Variants in SNX27 observed in about 807,000 individuals in gnomAD.
SNX27 encodes sorting nexin 27, also known as sorting nexin-27.
In SNX27, 22 loss-of-function variants were observed where a neutral mutation model predicts 71.6. The observed-to-expected ratio is 0.31, with a 90% CI of 0.22 to 0.44. The LOEUF (loss-of-function observed/expected upper bound fraction) is 0.44, where lower values mean the gene tolerates loss of function less well. Among genes scored for constraint, SNX27 ranks in the 20% least tolerant of loss-of-function variants. The probability of loss-of-function intolerance (pLI) is 1.00; values close to 1 mark genes in which losing one functional copy is unlikely to be tolerated. For missense variants in SNX27, 531 were observed against 698.6 expected (o/e 0.76, Z 2.70); for synonymous variants, 269 against 277.2 (o/e 0.97, Z 0.29).
rs1671846702 is a variant in SNX27, at chr1:151,697,813, A to G, written c.*3396A>G. 6.5e-6 allele frequency: 1 copy of G among 152,680 alleles called. No individual in the cohort carries two copies. The highest frequency in any genetic ancestry group is 1.5e-5 in the Non-Finnish European group (1 of 68,096). The allele number at this position is 152,680 out of a possible 1,614,324, so 9.5% of individuals were successfully genotyped here. On this transcript the variant is annotated 3_prime_UTR_variant, in exon 12 of 12. Transcript: ENST00000458013. ...TGTCCCTGGGAAGAGGGGGTCTCCC[A>G]GTGCCCCCAGCTTCATCCCAGCAGA...
rs1175414822 is a variant in SNX27 at position 151,697,896 on chromosome 1, CAGGGGT to C, written c.*3482_*3487del. The C allele has an allele frequency of 6.6e-6, 1 of 152,438 alleles. No homozygotes were observed. The highest frequency in any genetic ancestry group is 1.5e-5 in the Non-Finnish European group (1 of 68,054). 9.4% of individuals were successfully genotyped at this position (152,438 alleles called of 1,614,324 possible). The stretch of plus-strand genomic sequence containing the variant: ...TTCCTCCACACTTGGTTTCTATCCT[CAGGGGT>C]AGAAGCTCAGAGCTTTTTATGGCCC... On this transcript the variant is annotated 3_prime_UTR_variant, in exon 12 of 12. Transcript: ENST00000458013.
At chr1:151,627,940 C>T (rs1231447926) in intron 1 of SNX27, among the ~76,000 whole-genome samples, 1 of 151,736 alleles carries the variant, frequency 6.6e-6, no homozygotes, top group Non-Finnish European at 1.5e-5. Context: ...TATATAGTAG[C>T]CTTTCAGACT....
At chr1:151,643,040 T>A (rs1041621410) in intron 2 of SNX27, among the ~76,000 whole-genome samples, 3 of 152,152 alleles carry the variant, frequency 2.0e-5, no homozygotes, top group Non-Finnish European at 4.4e-5. Context: ...CTTGGCTCAC[T>A]GTAACCTCTG....
intron 7 of SNX27, among the ~76,000 whole-genome samples, chr1:151,680,673 C>T (rs576915358): frequency 3.3e-5 from 5 of 152,194 alleles, no homozygotes; most frequent in East Asian, 1.9e-4. Flanking sequence ...TTATTCTCAT[C>T]GAAACAATAC....
chr1:151,654,607 A>T (rs990659883), intron 2 of SNX27, among the ~76,000 whole-genome samples: 2 of 152,146 alleles, frequency 1.3e-5, no homozygotes, highest in African/African-American at 4.8e-5. Context: ...CTGCTTTAAT[A>T]GAATAACACA....
chr1:151,638,874 C>T lies in SNX27; in HGVS notation c.312-14C>T, dbSNP rs1277553304. On this transcript the variant is annotated splice_polypyrimidine_tract_variant and intron_variant, in intron 1 of 11. Transcript: ENST00000458013. ...CTGGTTTATGGGATTGTCTTTTTCC[C>T]TTTTTCCCCTTAGGAACCACGTGAA... The T allele has an allele frequency of 6.2e-7, 1 of 1,613,724 alleles. No homozygotes were observed. Among genetic ancestry groups the T allele is most frequent in the South Asian group, 1.1e-5 (1 of 91,054 alleles).
chr1:151,658,175 A>G (rs1669785500), intron 2 of SNX27, 60 bp from the exon 3 acceptor site: 3 of 1,483,404 alleles, frequency 2.0e-6, no homozygotes, highest in Non-Finnish European at 1.8e-6. Context: ...GCCTGACTAG[A>G]TGATTTTGTG....
At chr1:151,694,111 TGTGTAA>T in intron 11 of SNX27, 1 of 1,258,752 alleles carries the variant, frequency 7.9e-7, no homozygotes, top group Non-Finnish European at 1.0e-6. Flanking sequence ...TTTTTCCCTC[TGTGTAA>T]TTTTGGGTAA....
rs2102676780 is a variant in SNX27, at chr1:151,658,288, G to A, written c.597G>A (p.Glu199=). 1 of 1,614,124 alleles carries A rather than the reference G, an allele frequency of 6.2e-7. No individual in the cohort carries two copies. Among genetic ancestry groups the A allele is most frequent in the South Asian group, 1.1e-5 (1 of 91,068 alleles). Residue 199 remains glutamate (E), a synonymous_variant, in exon 3 of 12, where the codon GAG becomes GAA. Transcript: ENST00000458013. ...AGCTGTGTTCTAAGCGGTACCGGGA[G>A]TTTGCTATCCTACACCAGAACCTGA... The part of the protein sequence containing the change: ...GRQLCSKRYR[E]FAILHQNLKR...
chr1:151,652,558 G>T (rs1010439971), intron 2 of SNX27, among the ~76,000 whole-genome samples: 6 of 151,650 alleles, frequency 4.0e-5, no homozygotes, highest in Non-Finnish European at 8.8e-5. Context: ...ACAGGCAGCC[G>T]CTACCACGCC....
chr1:151,637,337 C>T (rs1322314618), intron 1 of SNX27, among the ~76,000 whole-genome samples: 3 of 151,972 alleles, frequency 2.0e-5, no homozygotes, highest in Non-Finnish European at 4.4e-5. Flanking sequence ...CACCACCATG[C>T]CCGGCTAATT....
chr1:151,657,391 C>T (rs559711125), intron 2 of SNX27, among the ~76,000 whole-genome samples: 1 of 152,208 alleles, frequency 6.6e-6, no homozygotes, highest in East Asian at 1.9e-4. Context: ...TGGTCTTGAA[C>T]TCTTGGACTC....
At chr1:151,693,195 CT>C in intron 10 of SNX27, 156 bp downstream of exon 10, 3 of 1,184,880 alleles carry the variant, frequency 2.5e-6, no homozygotes, top group Non-Finnish European at 3.6e-6. Context: ...CCTGTTTTTG[CT>C]TTAGGCCTGA....
At chr1:151,666,084 C>A in intron 6 of SNX27, 73 bp downstream of exon 6, 1 of 1,237,146 alleles carries the variant, frequency 8.1e-7, no homozygotes. Context: ...TAGAGAAGAG[C>A]TTGAAGACAA....
At chr1:151,683,231 G>T in intron 7 of SNX27, 125 bp from the exon 8 acceptor site, 1 of 673,512 alleles carries the variant, frequency 1.5e-6, no homozygotes, top group Non-Finnish European at 2.6e-6. Context: ...AGAGTTCACT[G>T]GTAATGATGG....
chr1:151,613,573 T>G (rs1667293040), intron 1 of SNX27, among the ~76,000 whole-genome samples: 1 of 151,998 alleles, frequency 6.6e-6, no homozygotes, highest in Non-Finnish European at 1.5e-5. Flanking sequence ...TTTCTTCTGT[T>G]TTTTAAGGCG....
intron 2 of SNX27, among the ~76,000 whole-genome samples, chr1:151,646,514 T>G (rs1669038059): frequency 6.6e-6 from 1 of 150,562 alleles, no homozygotes; most frequent in Non-Finnish European, 1.5e-5. Flanking sequence ...GTATAATTTG[T>G]TTTTTTTCTT....
chr1:151,693,947 G>C, intron 11 of SNX27: 2 of 1,286,072 alleles, frequency 1.6e-6, no homozygotes, highest in Non-Finnish European at 9.8e-7. Context: ...TGCTGGAACA[G>C]AATTTGGAAG....
In SNX27 at chr1:151,639,017, C is replaced by T. The variant is rs769491747; in HGVS notation, c.441C>T (p.Asp147=). Residue 147 remains aspartate (D), a synonymous_variant, in exon 2 of 12, where the codon GAC becomes GAT. Coordinates refer to ENST00000458013, the MANE Select transcript of SNX27 (RefSeq NM_001330723.2). ...PHEADNLDPS[D]DSLGQSFYDY... ...AGGCAGATAACCTAGATCCCAGTGA[C>T]GACTCGTTGGGACAATCATTTTATG... The T allele has an allele frequency of 4.0e-5, 65 of 1,614,092 alleles. No individual in the cohort carries two copies. The highest frequency in any genetic ancestry group is 1.6e-4 in the East Asian group (7 of 44,884).
Sources: gnomAD v4.1 joint callset for allele counts (sites outside exome capture counted in the v4.1 genomes callset) on GRCh38, gnomAD v4.1.1 for gene constraint, MANE v1.5 for transcripts, NCBI Gene and HGNC (gene_info 2026-07-23, HGNC 2026-07-21) for gene names.